PCDH9: variants seen among roughly 807,000 people sequenced by gnomAD.
PCDH9 encodes the protein protocadherin-9.
A neutral mutation model predicts 70.6 loss-of-function variants in PCDH9; 24 were observed. That is an observed-to-expected ratio of 0.34 (90% CI 0.25 to 0.48). PCDH9 has a LOEUF of 0.48. Ranked by LOEUF, PCDH9 falls within the 20% of genes least tolerant of loss-of-function variation. PCDH9 has a pLI of 0.99. For missense variants in PCDH9, 1,281 were observed against 1,503.6 expected (o/e 0.85, Z 2.45); for synonymous variants, 562 against 558.5 (o/e 1.01, Z -0.09).
chr13:66,394,999 A>G (rs1957078164), intron 4 of PCDH9, among the ~76,000 whole-genome samples: 1 of 152,212 alleles, frequency 6.6e-6, no homozygotes, highest in African/African-American at 2.4e-5. Flanking sequence ...AAAAGTTGCA[A>G]GGCTCAAGGG....
chr13:67,044,505 A>AAAGTGCAAT (rs1428381893), intron 2 of PCDH9, among the ~76,000 whole-genome samples: 2 of 152,196 alleles, frequency 1.3e-5, no homozygotes, highest in Non-Finnish European at 2.9e-5. Flanking sequence ...ACACACGTAC[A>AAAGTGCAAT]AAGTGCAATA....
intron 3 of PCDH9, among the ~76,000 whole-genome samples, chr13:66,687,126 G>T (rs904330906): frequency 1.3e-5 from 2 of 152,136 alleles, no homozygotes; most frequent in Non-Finnish European, 2.9e-5. Flanking sequence ...TTATTCCTGT[G>T]TGATAATCAC....
intron 2 of PCDH9, among the ~76,000 whole-genome samples, chr13:67,037,341 A>T (rs1325084683): frequency 6.6e-6 from 1 of 152,094 alleles, no homozygotes; most frequent in Admixed American, 6.6e-5. Context: ...TTACATATAT[A>T]CCCTCAGAGC....
intron 3 of PCDH9, among the ~76,000 whole-genome samples, chr13:66,783,980 T>C (rs1248393350): frequency 6.6e-6 from 1 of 152,128 alleles, no homozygotes; most frequent in Non-Finnish European, 1.5e-5. Context: ...AAATTCAAAA[T>C]GGTAAGATGA....
chr13:66,742,004 T>C (rs1471526342), intron 3 of PCDH9, among the ~76,000 whole-genome samples: 25 of 140,692 alleles, frequency 1.8e-4, no homozygotes, highest in Non-Finnish European at 3.7e-4. Flanking sequence ...TTAAAGTTCA[T>C]ATGGAACCAA....
At chr13:66,469,204 A>T (rs1277975657) in intron 4 of PCDH9, among the ~76,000 whole-genome samples, 1 of 152,126 alleles carries the variant, frequency 6.6e-6, no homozygotes, top group African/African-American at 2.4e-5. Context: ...ATAAATAACT[A>T]GATATGCAGT....
chr13:66,509,345 T>G (rs1272785219), intron 4 of PCDH9, among the ~76,000 whole-genome samples: 1 of 152,192 alleles, frequency 6.6e-6, no homozygotes, highest in African/African-American at 2.4e-5. Flanking sequence ...ATGTAAACAT[T>G]GAAGGGTCCC....
intron 3 of PCDH9, among the ~76,000 whole-genome samples, chr13:66,689,650 C>T (rs1166171206): frequency 6.6e-6 from 1 of 152,152 alleles, no homozygotes; most frequent in Non-Finnish European, 1.5e-5. Flanking sequence ...TACAGCTATC[C>T]TCTCAGAAAT....
intron 4 of PCDH9, among the ~76,000 whole-genome samples, chr13:66,611,079 C>T (rs1018500686): frequency 2.6e-5 from 4 of 151,946 alleles, no homozygotes; most frequent in East Asian, 1.9e-4. Context: ...TGTTCAGGCA[C>T]GATAAAATAC....
chr13:66,961,671 C>G (rs1350667197), intron 2 of PCDH9, among the ~76,000 whole-genome samples: 3 of 151,976 alleles, frequency 2.0e-5, no homozygotes, highest in Non-Finnish European at 4.4e-5. Context: ...TGTAAGGCTG[C>G]AAAGCCAAAA....
Position 67,052,963 on chromosome 13 carries a change from G to A in PCDH9, c.3037-149358C>T, listed in dbSNP as rs116660100. ...CCCATATGGACATGACAAGTAAGCC[G>A]TTCCATCAGAGCTTGGAAGTGAGTT... On this transcript the variant is annotated intron_variant, in intron 2 of 4. Coordinates refer to ENST00000377865, the MANE Select transcript of PCDH9 (RefSeq NM_203487.3). Among the ~76,000 whole-genome samples, 1,116 of 152,164 alleles carry A rather than the reference G, an allele frequency of 7.3e-3. 15 individuals carry two copies. Among genetic ancestry groups the A allele is most frequent in the African/African-American group, 0.025 (1,027 of 41,500 alleles).
chr13:66,607,272 A>G (rs2077232758), intron 4 of PCDH9, among the ~76,000 whole-genome samples: 1 of 152,116 alleles, frequency 6.6e-6, no homozygotes. Context: ...TGTGAAAATG[A>G]TATGTACTTA....
intron 3 of PCDH9, among the ~76,000 whole-genome samples, chr13:66,867,279 T>C (rs1232595236): frequency 6.6e-6 from 1 of 152,186 alleles, no homozygotes; most frequent in Non-Finnish European, 1.5e-5. Flanking sequence ...CTAAGGATTA[T>C]TAATGTTCTC....
intron 3 of PCDH9, among the ~76,000 whole-genome samples, chr13:66,860,446 T>C (rs2081464308): frequency 6.6e-6 from 1 of 152,148 alleles, no homozygotes; most frequent in South Asian, 2.1e-4. Context: ...GAAGCTAATA[T>C]AAGGAGGCAT....
intron 3 of PCDH9, among the ~76,000 whole-genome samples, chr13:66,847,946 T>A (rs1056053014): frequency 4.6e-5 from 7 of 152,202 alleles, no homozygotes; most frequent in Admixed American, 4.6e-4. Context: ...TAACTGAATC[T>A]CCAGAAAGGG....
chr13:66,323,307 C>A (rs1434729496), intron 4 of PCDH9: 1 of 151,946 alleles, frequency 6.6e-6, no homozygotes, highest in Non-Finnish European at 1.5e-5. Context: ...AGGAAAGGAA[C>A]TATTATCACA....
chr13:66,373,666 G>T, intron 4 of PCDH9, among the ~76,000 whole-genome samples: 1 of 151,966 alleles, frequency 6.6e-6, no homozygotes, highest in Non-Finnish European at 1.5e-5. Flanking sequence ...AAATGACCAG[G>T]ATCTATTAAA....
At chr13:66,804,094 G>A (rs898083977) in intron 3 of PCDH9, among the ~76,000 whole-genome samples, 10 of 152,062 alleles carry the variant, frequency 6.6e-5, no homozygotes, top group Non-Finnish European at 1.5e-4. Context: ...AGCAGCATTC[G>A]GATATGTGAC....
At chr13:67,074,581 G>A (rs946103225) in intron 2 of PCDH9, among the ~76,000 whole-genome samples, 1 of 152,014 alleles carries the variant, frequency 6.6e-6, no homozygotes, top group African/African-American at 2.4e-5. Context: ...CAATCCAAGA[G>A]GATATTTACT....
Sources: allele counts gnomAD v4.1 joint callset (sites outside exome capture counted in the v4.1 genomes callset), GRCh38; gene constraint gnomAD v4.1.1; transcripts MANE v1.5; gene names NCBI Gene and HGNC (gene_info 2026-07-23, HGNC 2026-07-21).